Variants in ANO3 observed in about 807,000 individuals in gnomAD.
ANO3 encodes anoctamin-3.
Under a neutral mutation model 144.8 loss-of-function variants are expected in ANO3, and 99 were observed. That is an observed-to-expected ratio of 0.68 (90% CI 0.58 to 0.81). The LOEUF is 0.81. Among genes scored for constraint, ANO3 ranks in the 30% least tolerant of loss-of-function variants. The pLI, the probability that ANO3 is intolerant of heterozygous loss-of-function variation, is 0.00. For synonymous variants in ANO3, 414 were observed against 392.6 expected (o/e 1.05, Z -0.64); for missense variants, 905 against 1,202.2 (o/e 0.75, Z 3.66).
At chr11:26,599,123 A>T (rs1851722906) in intron 16 of ANO3, 125 bp downstream of exon 16, 1 of 996,610 alleles carries the variant, frequency 1.0e-6, no homozygotes, top group Non-Finnish European at 1.5e-6. Flanking sequence ...CAACTTGGTA[A>T]CACGTACAAT....
intron 7 of ANO3, among the ~76,000 whole-genome samples, chr11:26,528,969 C>A (rs1849234599): frequency 6.9e-6 from 1 of 145,554 alleles, no homozygotes; most frequent in East Asian, 2.0e-4. Flanking sequence ...TCTTCCAAAA[C>A]CAAAAATGAT....
At chr11:26,441,781 AACTC>A in intron 1 of ANO3, 133 bp from the exon 2 acceptor site, 1 of 614,210 alleles carries the variant, frequency 1.6e-6, no homozygotes, top group African/African-American at 1.8e-5. Context: ...AAACAAGACT[AACTC>A]AATTATTTCT....
intron 1 of ANO3, among the ~76,000 whole-genome samples, chr11:26,304,107 T>C (rs1204106053): frequency 6.6e-6 from 1 of 152,228 alleles, no homozygotes; most frequent in African/African-American, 2.4e-5. Flanking sequence ...AATGGTATTA[T>C]ATTCTTGTTT....
At chr11:26,548,460 G>C (rs1373765092) in intron 12 of ANO3, among the ~76,000 whole-genome samples, 2 of 151,680 alleles carry the variant, frequency 1.3e-5, no homozygotes, top group Non-Finnish European at 2.9e-5. Flanking sequence ...CTTCTCTTTT[G>C]GTCCATTTTT....
At chr11:26,382,976 G>C (rs958031312) in intron 1 of ANO3, among the ~76,000 whole-genome samples, 1 of 152,072 alleles carries the variant, frequency 6.6e-6, no homozygotes, top group Non-Finnish European at 1.5e-5. Context: ...TACTTGACTT[G>C]AGATTTGTGT....
intron 1 of ANO3, among the ~76,000 whole-genome samples, chr11:26,440,278 AACT>A (rs1428151951): frequency 6.6e-6 from 1 of 152,170 alleles, no homozygotes; most frequent in Non-Finnish European, 1.5e-5. Flanking sequence ...GGTAATAATG[AACT>A]ACCTGAGACT....
At chr11:26,399,145 C>T (rs908579412) in intron 1 of ANO3, among the ~76,000 whole-genome samples, 2 of 151,896 alleles carry the variant, frequency 1.3e-5, no homozygotes, top group African/African-American at 4.8e-5. Context: ...TCTGCCCAAC[C>T]TCACCTTTTT....
chr11:26,555,736 C>T (rs1407388043), intron 13 of ANO3, among the ~76,000 whole-genome samples: 2 of 152,122 alleles, frequency 1.3e-5, no homozygotes, highest in Non-Finnish European at 2.9e-5. Context: ...TTCCTCTTCC[C>T]TTATTGGATG....
chr11:26,359,047 C>A (rs1855857190), intron 1 of ANO3, among the ~76,000 whole-genome samples: 1 of 152,052 alleles, frequency 6.6e-6, no homozygotes, highest in African/African-American at 2.4e-5. Context: ...AGTTCTGGTT[C>A]AACTTTGATT....
At chr11:26,288,789 T>A (rs943811906) in intron 1 of ANO3, among the ~76,000 whole-genome samples, 4 of 152,032 alleles carry the variant, frequency 2.6e-5, no homozygotes, top group African/African-American at 9.7e-5. Context: ...ACACTGGCAT[T>A]TTTAAATTGA....
At chr11:26,547,233 AAAC>A (rs972052158) in intron 11 of ANO3, among the ~76,000 whole-genome samples, 180 bp from the exon 12 acceptor site, 5 of 151,906 alleles carry the variant, frequency 3.3e-5, no homozygotes, top group African/African-American at 1.2e-4. Context: ...GTTTAAAAAT[AAAC>A]AACATTACCA....
At chr11:26,579,406 G>A (rs1313415927) in intron 14 of ANO3, among the ~76,000 whole-genome samples, 1 of 152,126 alleles carries the variant, frequency 6.6e-6, no homozygotes, top group East Asian at 1.9e-4. Flanking sequence ...CTCAAAAGTA[G>A]GGACAGAAGG....
intron 1 of ANO3, among the ~76,000 whole-genome samples, chr11:26,404,061 G>T (rs1052660798): frequency 6.6e-6 from 1 of 151,602 alleles, no homozygotes; most frequent in Non-Finnish European, 1.5e-5. Flanking sequence ...GCCTTACATT[G>T]CATGCATTTA....
exon 1 of ANO3, chr11:26,189,096 G>A (rs893914295): frequency 4.2e-5 from 24 of 571,500 alleles, no homozygotes; most frequent in Admixed American, 6.4e-5. Context: ...TTAGAATACT[G>A]TGATTTTTTT....
chr11:26,289,586 TGTGTGTATATGTACATATAC>T (rs1853895815), intron 1 of ANO3, among the ~76,000 whole-genome samples: 1 of 106,004 alleles, frequency 9.4e-6, no homozygotes, highest in Non-Finnish European at 1.8e-5. Flanking sequence ...ATATCCTATA[TGTGTGTATATGTACATATAC>T]ACACATATAT....
chr11:26,477,840 T>G (rs1860041490), intron 4 of ANO3, among the ~76,000 whole-genome samples: 1 of 152,176 alleles, frequency 6.6e-6, no homozygotes, highest in Admixed American at 6.6e-5. Flanking sequence ...GCAAAATTTT[T>G]TGAGTAATTT....
chr11:26,203,532 A>C (rs940261957), intron 1 of ANO3, among the ~76,000 whole-genome samples: 1 of 152,134 alleles, frequency 6.6e-6, no homozygotes, highest in Non-Finnish European at 1.5e-5. Context: ...AAATGTGACA[A>C]GGCAAAGGGG....
intron 5 of ANO3, among the ~76,000 whole-genome samples, chr11:26,512,875 T>C (rs2134145931): frequency 6.6e-6 from 1 of 152,302 alleles, no homozygotes; most frequent in Admixed American, 6.5e-5. Flanking sequence ...CTTGTCTCTA[T>C]CACACTGGCT....
chr11:26,494,056 A>T (rs1195975215), intron 4 of ANO3, among the ~76,000 whole-genome samples: 1 of 152,166 alleles, frequency 6.6e-6, no homozygotes, highest in Non-Finnish European at 1.5e-5. Flanking sequence ...TTTAATGTGT[A>T]TTACAAAAGG....
Sources: gnomAD v4.1 joint callset for allele counts (sites outside exome capture counted in the v4.1 genomes callset) on GRCh38, gnomAD v4.1.1 for gene constraint, MANE v1.5 for transcripts, NCBI Gene and HGNC (gene_info 2026-07-23, HGNC 2026-07-21) for gene names.